The following MAP3K2 variants were observed in gnomAD, a reference collection of about 807,000 sequenced individuals.
MAP3K2 encodes the protein mitogen-activated protein kinase kinase kinase 2.
A neutral mutation model predicts 80.3 loss-of-function variants in MAP3K2; 24 were observed. The observed-to-expected ratio is 0.30, with a 90% CI of 0.22 to 0.42. The LOEUF (loss-of-function observed/expected upper bound fraction) is 0.42, where lower values mean the gene tolerates loss of function less well. Among genes scored for constraint, MAP3K2 ranks in the 10% least tolerant of loss-of-function variants. The pLI, the probability that MAP3K2 is intolerant of heterozygous loss-of-function variation, is 1.00. For missense variants in MAP3K2, 608 were observed against 750.1 expected (o/e 0.81, Z 2.21); for synonymous variants, 244 against 253.7 (o/e 0.96, Z 0.36).
At position 127,322,115 on chromosome 2, in the gene MAP3K2, T is replaced by G; in HGVS notation, c.976A>C (p.Ile326Leu). The G allele has an allele frequency of 6.2e-7, 1 of 1,613,940 alleles. No homozygotes were observed. Among genetic ancestry groups the G allele is most frequent in the Non-Finnish European group, 8.5e-7 (1 of 1,179,856 alleles). ...TCTATGTCACTTCCCCTTCTTCTTA[T>G]TCGACTATCATCATACTCTGGGGTA... is the stretch of plus-strand genomic sequence containing the variant. ...IFTPEYDDSR[I>L]RRRGSDIDNP... Residue 326 changes from isoleucine to leucine, a missense_variant, in exon 12 of 17, where the codon ATA becomes CTA. By Grantham distance (5) the Ile-to-Leu change is conservative. Transcript: ENST00000682094. This position sits in a 1 kb window ranked among gnomAD's most constrained non-coding sequence, Gnocchi z 4.2.
intron 1 of MAP3K2, among the ~76,000 whole-genome samples, chr2:127,344,706 A>G (rs1466977495): frequency 1.3e-5 from 2 of 152,164 alleles, no homozygotes; most frequent in African/African-American, 4.8e-5. Context: ...AGCTATATGA[A>G]TAAGATGTAT....
chr2:127,387,337 G>A (rs562253975), intron 1 of MAP3K2, 115 bp downstream of exon 1: 82 of 267,836 alleles, frequency 3.1e-4, no homozygotes, highest in African/African-American at 1.9e-3. Flanking sequence ...CTGGAGCGGC[G>A]CTTAGGCCGC....
intron 14 of MAP3K2, 110 bp from the exon 15 acceptor site, chr2:127,314,993 A>G: frequency 1.4e-6 from 1 of 716,280 alleles, no homozygotes; most frequent in Non-Finnish European, 2.3e-6. Flanking sequence ...CACTCGTCTA[A>G]GCATGTCCTA....
At chr2:127,308,063 A>G (rs1381947231) in intron 16 of MAP3K2, among the ~76,000 whole-genome samples, 2 of 152,212 alleles carry the variant, frequency 1.3e-5, no homozygotes, top group Non-Finnish European at 2.9e-5. Flanking sequence ...TGTTTTATAT[A>G]ATTTCTAACC....
chr2:127,376,304 A>C (rs904597917), intron 1 of MAP3K2, among the ~76,000 whole-genome samples: 10 of 13,578 alleles, frequency 7.4e-4, no homozygotes, highest in African/African-American at 2.9e-3. Flanking sequence ...GTGCAGGACT[A>C]CTGGGGTGGG....
At chr2:127,379,112 G>A (rs576310426) in intron 1 of MAP3K2, among the ~76,000 whole-genome samples, 2 of 151,240 alleles carry the variant, frequency 1.3e-5, no homozygotes, top group African/African-American at 2.4e-5. Flanking sequence ...ATGAGCCATG[G>A]TGCCTGGCCT....
chr2:127,360,424 G>A (rs558676559), intron 1 of MAP3K2, among the ~76,000 whole-genome samples: 207 of 150,282 alleles, frequency 1.4e-3, no homozygotes, highest in Admixed American at 2.2e-3. Flanking sequence ...ATAGAGGTAA[G>A]ACAGTGACGA....
At chr2:127,341,947 T>C (rs1436737559) in intron 2 of MAP3K2, among the ~76,000 whole-genome samples, 3 of 152,216 alleles carry the variant, frequency 2.0e-5, no homozygotes, top group African/African-American at 7.2e-5. Context: ...AAATACCTTA[T>C]ATGCTTATTC....
At chr2:127,361,510 G>A (rs1048492944) in intron 1 of MAP3K2, among the ~76,000 whole-genome samples, 1 of 152,054 alleles carries the variant, frequency 6.6e-6, no homozygotes, top group Admixed American at 6.6e-5. Context: ...TTGTTTGAAT[G>A]ATCACACTCC....
At chr2:127,345,129 C>T (rs1437504132) in intron 1 of MAP3K2, among the ~76,000 whole-genome samples, 2 of 152,166 alleles carry the variant, frequency 1.3e-5, no homozygotes, top group Admixed American at 6.5e-5. Flanking sequence ...GCTGGGACTA[C>T]GAACCACAAC....
chr2:127,340,401 G>A (rs1396880830), intron 2 of MAP3K2, among the ~76,000 whole-genome samples: 1 of 152,206 alleles, frequency 6.6e-6, no homozygotes, highest in Non-Finnish European at 1.5e-5. Flanking sequence ...GCTCAAGCCT[G>A]TAATCCCAAC....
chr2:127,386,162 T>A (rs942502415), intron 1 of MAP3K2, among the ~76,000 whole-genome samples: 2 of 152,258 alleles, frequency 1.3e-5, no homozygotes, highest in African/African-American at 2.4e-5. Flanking sequence ...TCAATAGATT[T>A]GTTAAACATT....
rs796902907 is a variant in MAP3K2 at position 127,311,104 on chromosome 2, T to C, written c.1457-2342A>G. 5.9e-5 allele frequency among the ~76,000 whole-genome samples: 9 copies of C among 152,316 alleles called. No homozygotes were observed. The East Asian group carries it at 1.7e-3, about 29-fold the overall frequency. ...GGCTTCTGTACCTGTCTTTCTGTTC[T>C]ACCAGCAAATTCCCCAGTCTAGTCA... On this transcript the variant is annotated intron_variant, in intron 15 of 16. Coordinates refer to ENST00000682094, the MANE Select transcript of MAP3K2 (RefSeq NM_001371910.2).
chr2:127,333,836 T>C (rs889244082), intron 5 of MAP3K2, among the ~76,000 whole-genome samples: 2 of 152,142 alleles, frequency 1.3e-5, no homozygotes, highest in Non-Finnish European at 2.9e-5. Flanking sequence ...CGGTGGCTCA[T>C]ACCTGTAATC....
chr2:127,366,866 G>GTTT (rs367670762), intron 1 of MAP3K2, among the ~76,000 whole-genome samples: 4,782 of 84,986 alleles, frequency 0.056, 215 homozygotes, highest in East Asian at 0.091. Context: ...ACAGTCAAGG[G>GTTT]TTTTTTTTTT....
At position 127,337,777 on chromosome 2, in the gene MAP3K2, T is replaced by A; in HGVS notation, c.125A>T (p.Asn42Ile). The A allele has an allele frequency of 1.3e-6, 2 of 1,523,240 alleles. No individual in the cohort carries two copies. The highest frequency in any genetic ancestry group is 1.8e-6 in the Non-Finnish European group (2 of 1,122,910). The allele number at this position is 1,523,240 out of a possible 1,614,324, so 94.4% of individuals were successfully genotyped here. Residue 42 changes from asparagine to isoleucine, a missense_variant and splice_region_variant, in exon 4 of 17, where the codon AAT becomes ATT. By Grantham distance (149) the Asn-to-Ile change is moderately radical (BLOSUM62 -3). This residue lies in a region of MAP3K2 where 467 missense variants were observed against 521.9 expected (regional missense o/e 0.89). Coordinates refer to ENST00000682094, the MANE Select transcript of MAP3K2 (RefSeq NM_001371910.2). Reference protein sequence around the residue: ...KAKSSSPKKQNDVRVKFEHRG... With the variant: ...KAKSSSPKKQIDVRVKFEHRG... ...ATGTTCAAATTTGACTCGGACATCA[T>A]TCTGTAATGAAATGACAAATCAGTC...
rs996326831 is a variant in MAP3K2, at chr2:127,322,797, G to A, written c.839-545C>T. Among the ~76,000 whole-genome samples the A allele has an allele frequency of 3.0e-4, 46 of 151,266 alleles. No individual in the cohort carries two copies. The highest frequency in any genetic ancestry group is 1.1e-3 in the African/African-American group (44 of 41,276). On this transcript the variant is annotated intron_variant, in intron 11 of 16. Transcript: ENST00000682094. This position sits in a 1 kb window ranked among gnomAD's most constrained non-coding sequence, Gnocchi z 4.2. ...TTTAGTAGAGACGGGGTTTCATCAC[G>A]TTGGCCAGGCTGGTCTCATACTCCT...
At chr2:127,334,343 A>G (rs951467355) in intron 5 of MAP3K2, among the ~76,000 whole-genome samples, 9 of 152,238 alleles carry the variant, frequency 5.9e-5, no homozygotes, top group South Asian at 4.1e-4. Flanking sequence ...AAAGTTTTCC[A>G]TAATACAATT....
At chr2:127,318,489 G>A (rs772868244) in intron 12 of MAP3K2, among the ~76,000 whole-genome samples, 172 bp from the exon 13 acceptor site, 31 of 152,002 alleles carry the variant, frequency 2.0e-4, no homozygotes, top group Non-Finnish European at 2.8e-4. Context: ...TTTCTCTTTC[G>A]TCAATTTTCT....
Sources: allele counts gnomAD v4.1 joint callset (sites outside exome capture counted in the v4.1 genomes callset), GRCh38; gene constraint gnomAD v4.1.1; regional missense constraint gnomAD v4.1.1; non-coding constraint Gnocchi (gnomAD v3.1); transcripts MANE v1.5; gene names NCBI Gene and HGNC (gene_info 2026-07-23, HGNC 2026-07-21).